The following DOCK2 variants were observed in gnomAD, a reference collection of about 807,000 sequenced individuals.
The protein encoded by DOCK2 is dedicator of cytokinesis 2, also known as dedicator of cytokinesis protein 2.
In DOCK2, 87 loss-of-function variants were observed where a neutral mutation model predicts 248.9. The ratio of observed to expected loss-of-function variants is 0.35; its 90% CI spans 0.29 to 0.42. The LOEUF (loss-of-function observed/expected upper bound fraction) is 0.42, where lower values mean the gene tolerates loss of function less well. Ranked by LOEUF, DOCK2 falls within the 10% of genes least tolerant of loss-of-function variation. The pLI is 1.00. For missense variants in DOCK2, 1,747 were observed against 2,300.2 expected, an observed-to-expected ratio of 0.76 and a Z score of 4.92; for synonymous variants, 805 against 821.6, an observed-to-expected ratio of 0.98 and a Z score of 0.35.
chr5:169,656,273 A>T (rs1758109443), intron 2 of DOCK2, among the ~76,000 whole-genome samples: 2 of 152,120 alleles, frequency 1.3e-5, no homozygotes, highest in African/African-American at 4.8e-5. Flanking sequence ...GCAGATGAGG[A>T]AATGGAGGCA....
intron 42 of DOCK2, chr5:170,056,459 G>T: frequency 2.1e-6 from 1 of 483,938 alleles, no homozygotes; most frequent in African/African-American, 2.0e-5. Context: ...TGTTCTCAAA[G>T]GGGCACAAGA....
chr5:170,010,231 C>T (rs1174853338), intron 32 of DOCK2, among the ~76,000 whole-genome samples: 2 of 152,164 alleles, frequency 1.3e-5, no homozygotes, highest in Non-Finnish European at 1.5e-5. Flanking sequence ...AAAAAGGTCT[C>T]CAGACATTGC....
chr5:169,754,913 A>G (rs1399585692), intron 23 of DOCK2, among the ~76,000 whole-genome samples: 2 of 43,862 alleles, frequency 4.6e-5, no homozygotes, highest in Non-Finnish European at 9.9e-5. Context: ...AATGGTTCCT[A>G]TTTTTTATTA....
chr5:169,765,104 C>CACA (rs1561674785), intron 25 of DOCK2, among the ~76,000 whole-genome samples: 13 of 90,704 alleles, frequency 1.4e-4, no homozygotes, highest in African/African-American at 6.2e-4. Context: ...ACACACACAC[C>CACA]CCACACACAG....
At chr5:169,847,407 A>T (rs1165300165) in intron 27 of DOCK2, among the ~76,000 whole-genome samples, 1 of 152,120 alleles carries the variant, frequency 6.6e-6, no homozygotes, top group Non-Finnish European at 1.5e-5. Flanking sequence ...GTAAGGTGGT[A>T]TCTTATTGTG....
At chr5:169,694,629 A>G (rs1240787079) in intron 9 of DOCK2, among the ~76,000 whole-genome samples, 1 of 152,192 alleles carries the variant, frequency 6.6e-6, no homozygotes, top group African/African-American at 2.4e-5. Context: ...GAATATGGTG[A>G]TGCAGGAATC....
At chr5:169,683,151 G>A (rs12652361) in intron 7 of DOCK2, among the ~76,000 whole-genome samples, 12,897 of 152,256 alleles carry the variant, frequency 0.085, 613 homozygotes, top group East Asian at 0.14. Flanking sequence ...ACTTAGCAGT[G>A]GGATTGCTGG....
chr5:170,017,334 G>C (rs1755569448), intron 32 of DOCK2, among the ~76,000 whole-genome samples: 1 of 152,102 alleles, frequency 6.6e-6, no homozygotes, highest in Non-Finnish European at 1.5e-5. Flanking sequence ...CTCACAAGGA[G>C]AAGGAGGTAG....
At chr5:169,959,659 T>A (rs764612115) in intron 27 of DOCK2, among the ~76,000 whole-genome samples, 39 of 152,286 alleles carry the variant, frequency 2.6e-4, no homozygotes, top group Non-Finnish European at 4.4e-4. Context: ...ACTAAAGGAC[T>A]TTAGGGAGTC....
chr5:169,795,210 T>C (rs1393173936), intron 25 of DOCK2, among the ~76,000 whole-genome samples: 3 of 152,204 alleles, frequency 2.0e-5, no homozygotes, highest in African/African-American at 4.8e-5. Flanking sequence ...GTTTGGACTT[T>C]CGATGGATAT....
chr5:169,768,160 G>T (rs113737455), intron 25 of DOCK2, among the ~76,000 whole-genome samples: 8 of 151,998 alleles, frequency 5.3e-5, no homozygotes, highest in African/African-American at 1.9e-4. Flanking sequence ...CCCACGGTCC[G>T]TTGGCCAGAA....
chr5:169,846,844 C>A (rs567747757), intron 27 of DOCK2, among the ~76,000 whole-genome samples: 1 of 151,732 alleles, frequency 6.6e-6, no homozygotes, highest in East Asian at 1.9e-4. Context: ...TTATTCCTAG[C>A]CCCCCTTCCA....
rs529505036 is a variant in DOCK2, at chr5:170,008,572, G to A, written c.3148G>A (p.Ala1050Thr). ...TCTGCAGCTGGAGCAGTTCTCACAC[G>A]CCAAATACAACAAAATCCTGAATAA... The part of the protein sequence containing the change: ...DSLQLEQFSH[A>T]KYNKILNKYG... The change falls in exon 31 of 52, where the codon GCC becomes ACC. Residue 1050 changes from alanine (A) to threonine (T), a missense_variant. This residue lies in a region of DOCK2 where 858 missense variants were observed against 1,183.5 expected (regional missense o/e 0.72). Coordinates refer to ENST00000520908, the MANE Select transcript of DOCK2 (RefSeq NM_004946.3). The A allele has an allele frequency of 1.2e-5, 19 of 1,614,082 alleles. No individual in the cohort carries two copies. Among genetic ancestry groups the A allele is most frequent in the African/African-American group, 8.0e-5 (6 of 75,040 alleles).
At chr5:170,037,197 T>G (rs1311691940) in intron 36 of DOCK2, among the ~76,000 whole-genome samples, 1 of 151,690 alleles carries the variant, frequency 6.6e-6, no homozygotes, top group Non-Finnish European at 1.5e-5. Context: ...ATGAAATAAA[T>G]TCCCATAATC....
chr5:170,061,899 C>G lies in DOCK2; in HGVS notation c.4467+4233C>G, dbSNP rs10052633. Among the ~76,000 whole-genome samples, 7 of 152,028 alleles carry G rather than the reference C, an allele frequency of 4.6e-5. No individual in the cohort carries two copies. In the East Asian group the frequency reaches 1.2e-3, roughly 25 times the overall value. On this transcript the variant is annotated intron_variant, in intron 44 of 51. Coordinates refer to ENST00000520908, the MANE Select transcript of DOCK2 (RefSeq NM_004946.3). ...TACACCTTGGCCCCTCAGAGCCCCC[C>G]CAGAGTTGGTCTGTGTACTTGACAG...
chr5:169,773,968 T>A (rs1245257500), intron 25 of DOCK2, among the ~76,000 whole-genome samples: 1 of 152,160 alleles, frequency 6.6e-6, no homozygotes, highest in Non-Finnish European at 1.5e-5. Context: ...TTGTGAGACC[T>A]CCCTAGCCAC....
intron 25 of DOCK2, among the ~76,000 whole-genome samples, chr5:169,781,646 C>T (rs1293444394): frequency 6.6e-6 from 1 of 152,128 alleles, no homozygotes. Flanking sequence ...TTGGATGTAC[C>T]CAGATTAGGG....
intron 2 of DOCK2, among the ~76,000 whole-genome samples, chr5:169,659,376 C>T (rs150042513): frequency 3.0e-4 from 46 of 152,292 alleles, no homozygotes; most frequent in Non-Finnish European, 5.9e-4. Context: ...TACCACCAGC[C>T]TGGCTCATAG....
chr5:169,891,132 T>C (rs1773256230), intron 27 of DOCK2, among the ~76,000 whole-genome samples: 1 of 152,186 alleles, frequency 6.6e-6, no homozygotes, highest in Non-Finnish European at 1.5e-5. Flanking sequence ...TCCCTGGCCC[T>C]GAACATGCTA....
Sources: gnomAD v4.1 joint callset for allele counts (sites outside exome capture counted in the v4.1 genomes callset) on GRCh38, gnomAD v4.1.1 for gene constraint, gnomAD v4.1.1 regional missense constraint, MANE v1.5 for transcripts, NCBI Gene and HGNC (gene_info 2026-07-23, HGNC 2026-07-21) for gene names.